ADGRG4: variants seen among roughly 807,000 people sequenced by gnomAD.
ADGRG4 encodes the protein adhesion G protein-coupled receptor G4.
Under a neutral mutation model 126.2 loss-of-function variants are expected in ADGRG4, and 122 were observed. That is an observed-to-expected ratio of 0.97 (90% CI 0.83 to 1.12). The LOEUF (loss-of-function observed/expected upper bound fraction) is 1.12. ADGRG4 is among the 50% of genes most tolerant of loss of function. The pLI, the probability that ADGRG4 is intolerant of heterozygous loss-of-function variation, is 0.00. For missense variants in ADGRG4, 2,481 were observed against 2,251.8 expected (o/e 1.10, Z -2.06); for synonymous variants, 943 against 838.7 (o/e 1.12, Z -2.15).
rs1486002025 is a variant in ADGRG4 at position 136,356,170 on chromosome X, G to A, written c.6927+5G>A. 5.2e-6 allele frequency: 6 copies of A among 1,161,032 alleles called. No individual in the cohort carries two copies. Among genetic ancestry groups the A allele is most frequent in the Non-Finnish European group, 7.0e-6 (6 of 854,306 alleles). ...ATGGTCATGGATCGAGCTATTGTAA[G>A]TAATTTTTCAAAATGAATCTACTTG... On this transcript the variant is annotated splice_donor_5th_base_variant and intron_variant, in intron 9 of 25. Transcript: ENST00000394143.
Position 136,403,317 on chromosome X carries a change from T to A in ADGRG4, c.8649T>A (p.Thr2883=). The change falls in exon 22 of 26, where the codon ACT becomes ACA. Residue 2883 remains threonine (T), a synonymous_variant. Transcript: ENST00000394143. ...TGTATGGAACTCTGAGCCCAACAAC[T>A]CCGTTGTAAGTACCAGCATCTCTGT... ...KDLYGTLSPT[T]PFCWIKDDSI... is the part of the protein sequence containing the mutation. 1 of 1,193,594 alleles carries A rather than the reference T, an allele frequency of 8.4e-7. No homozygotes were observed. Among genetic ancestry groups the A allele is most frequent in the Non-Finnish European group, 1.1e-6 (1 of 879,364 alleles).
chrX:136,397,742 A>G, intron 19 of ADGRG4, 139 bp from the exon 20 acceptor site: 2 of 562,131 alleles, frequency 3.6e-6, no homozygotes, highest in Middle Eastern at 5.6e-4. Flanking sequence ...CCATACATCC[A>G]TTCACATAAT....
chrX:136,372,077 G>A (rs2075198103), intron 14 of ADGRG4, among the ~76,000 whole-genome samples: 2 of 111,400 alleles, frequency 1.8e-5, no homozygotes, highest in Non-Finnish European at 3.8e-5. Context: ...TTGAATCTTA[G>A]TGATAGCAAG....
At chrX:136,393,445 A>G (rs2075330214) in intron 17 of ADGRG4, 90 bp from the exon 18 acceptor site, 1 of 755,557 alleles carries the variant, frequency 1.3e-6, no homozygotes, top group African/African-American at 2.1e-5. Context: ...CATGGGAAAA[A>G]ATATTGGGAA....
At chrX:136,361,302 C>G (rs1449347680) in intron 11 of ADGRG4, among the ~76,000 whole-genome samples, 153 bp from the exon 12 acceptor site, 1 of 108,089 alleles carries the variant, frequency 9.3e-6, no homozygotes, top group Non-Finnish European at 1.9e-5. Flanking sequence ...AAAAAGTTTT[C>G]TTTTTTATTT....
intron 9 of ADGRG4, among the ~76,000 whole-genome samples, chrX:136,357,172 T>A (rs1268853454): frequency 1.8e-5 from 2 of 111,664 alleles, no homozygotes; most frequent in African/African-American, 6.5e-5. Context: ...TTGGTGATAA[T>A]ATGGTCAAGC....
chrX:136,410,129 C>T (rs2075437807), intron 23 of ADGRG4, among the ~76,000 whole-genome samples: 1 of 112,531 alleles, frequency 8.9e-6, no homozygotes, highest in Non-Finnish European at 1.9e-5. Context: ...TTCCATTGCT[C>T]CTGGTTCTAA....
At chrX:136,352,138 A>G (rs2075066304) in intron 7 of ADGRG4, among the ~76,000 whole-genome samples, 1 of 111,713 alleles carries the variant, frequency 9.0e-6, no homozygotes. Flanking sequence ...ATATTATAAC[A>G]TTGATGCATG....
intron 13 of ADGRG4, among the ~76,000 whole-genome samples, chrX:136,363,922 G>C (rs1160304846): frequency 9.0e-6 from 1 of 110,529 alleles, no homozygotes; most frequent in Non-Finnish European, 1.9e-5. Context: ...CAATTCTCCT[G>C]CCTCAGCCTC....
chrX:136,322,654 G>T, intron 4 of ADGRG4, 124 bp from the exon 5 acceptor site: 1 of 513,183 alleles, frequency 1.9e-6, no homozygotes, highest in Non-Finnish European at 3.1e-6. Flanking sequence ...TTGTTTATTT[G>T]CACCAGTATT....
chrX:136,406,757 A>T (rs938599203), intron 23 of ADGRG4, among the ~76,000 whole-genome samples: 2 of 110,852 alleles, frequency 1.8e-5, no homozygotes, highest in Non-Finnish European at 3.8e-5. Context: ...CTACTAAAAA[A>T]TATAAAAATT....
intron 1 of ADGRG4, among the ~76,000 whole-genome samples, chrX:136,303,721 A>G (rs2074717114): frequency 9.0e-6 from 1 of 111,563 alleles, no homozygotes; most frequent in African/African-American, 3.3e-5. Flanking sequence ...TTGTCAGCAT[A>G]GATGATTTTT....
chrX:136,392,332 T>G lies in ADGRG4; in HGVS notation c.8012T>G (p.Leu2671Arg), dbSNP rs2075324485. 1 of 1,173,918 alleles carries G rather than the reference T, an allele frequency of 8.5e-7. No homozygotes were observed. Among genetic ancestry groups the G allele is most frequent in the Non-Finnish European group, 1.1e-6 (1 of 873,081 alleles). The stretch of plus-strand genomic sequence containing the variant: ...TTAGCTGACCCAGTGGTTATCACTC[T>G]GCAGCATATTGGAGGAAACCAGGTA... ...QNLADPVVIT[L>R]QHIGGNQNYG... is the part of the protein sequence containing the mutation. The change falls in exon 17 of 26, where the codon CTG becomes CGG. Residue 2671 changes from leucine (L) to arginine (R), a missense_variant. Physicochemically the swap from Leu to Arg is moderately radical, Grantham distance 102 (BLOSUM62 -2). Transcript: ENST00000394143.
At chrX:136,411,906 G>A (rs868389880) in intron 23 of ADGRG4, among the ~76,000 whole-genome samples, 1 of 112,731 alleles carries the variant, frequency 8.9e-6, no homozygotes, top group Non-Finnish European at 1.9e-5. Context: ...CCTAACCTTG[G>A]AAGTGACATG....
At chrX:136,301,082 A>T (rs1279055949) in intron 1 of ADGRG4, 82 bp downstream of exon 1, 2 of 112,501 alleles carry the variant, frequency 1.8e-5, no homozygotes, top group East Asian at 2.8e-4. Flanking sequence ...CATGATTTAT[A>T]ATCCTTTGGG....
intron 23 of ADGRG4, among the ~76,000 whole-genome samples, chrX:136,406,658 A>C (rs1165420977): frequency 8.9e-6 from 1 of 112,177 alleles, no homozygotes; most frequent in African/African-American, 3.2e-5. Flanking sequence ...TCGTGCCTGG[A>C]ATCCCAGCAC....
At chrX:136,313,788 T>A (rs2074788776) in intron 4 of ADGRG4, among the ~76,000 whole-genome samples, 1 of 111,640 alleles carries the variant, frequency 9.0e-6, no homozygotes, top group Admixed American at 9.5e-5. Flanking sequence ...GCTTCTAGGA[T>A]CCTTGGCCTG....
intron 8 of ADGRG4, among the ~76,000 whole-genome samples, chrX:136,355,339 C>A (rs1278435379): frequency 1.8e-5 from 2 of 111,120 alleles, no homozygotes; most frequent in African/African-American, 6.5e-5. Flanking sequence ...GCCCCGCCTC[C>A]TAATATAATC....
Position 136,392,234 on chromosome X carries a change from C to A in ADGRG4, c.7914C>A (p.Thr2638=). The part of the protein sequence containing the change: ...NFFGQTSLFK[T]KNVTKALTTY... ...CTCCTCTTTTGTTTCATCTGCAGAC[C>A]AAAAATGTCACTAAAGCATTAACCA... The change falls in exon 17 of 26, where the codon ACC becomes ACA. Residue 2638 remains threonine, a splice_region_variant and synonymous_variant. Transcript: ENST00000394143. The A allele has an allele frequency of 8.7e-7, 1 of 1,154,692 alleles. No homozygotes were observed. Among genetic ancestry groups the A allele is most frequent in the Non-Finnish European group, 1.2e-6 (1 of 863,213 alleles).
Sources: allele counts gnomAD v4.1 joint callset (sites outside exome capture counted in the v4.1 genomes callset), GRCh38; gene constraint gnomAD v4.1.1; transcripts MANE v1.5; gene names NCBI Gene and HGNC (gene_info 2026-07-23, HGNC 2026-07-21).